The following PLBD2 variants were observed in gnomAD, a reference collection of about 807,000 sequenced individuals.
The protein encoded by PLBD2 is phospholipase B domain containing 2.
Under a neutral mutation model 68.3 loss-of-function variants are expected in PLBD2, and 51 were observed. The ratio of observed to expected loss-of-function variants is 0.75; its 90% confidence interval spans 0.60 to 0.94. PLBD2 has a LOEUF of 0.94. Ranked by LOEUF, PLBD2 falls within the 40% of genes least tolerant of loss-of-function variation. PLBD2 has a pLI of 0.00. For missense variants in PLBD2, 729 were observed against 792.2 expected (o/e 0.92, Z 0.96); for synonymous variants, 314 against 339.3 (o/e 0.93, Z 0.82).
At chr12:113,381,278 C>T (rs1298566308) in intron 6 of PLBD2, among the ~76,000 whole-genome samples, 4 of 151,244 alleles carry the variant, frequency 2.6e-5, no homozygotes, top group African/African-American at 9.7e-5. Flanking sequence ...TCCCTCTCCT[C>T]CTGCCTCCCT....
intron 6 of PLBD2, among the ~76,000 whole-genome samples, chr12:113,382,995 C>T (rs761652082): frequency 5.3e-5 from 8 of 151,378 alleles, no homozygotes; most frequent in Non-Finnish European, 1.0e-4. Flanking sequence ...CCTCAGCCTC[C>T]GAATAGCTGG....
chr12:113,373,525 C>T (rs1957408204), intron 3 of PLBD2, among the ~76,000 whole-genome samples: 1 of 152,102 alleles, frequency 6.6e-6, no homozygotes, highest in Admixed American at 6.6e-5. Context: ...ACCACCAACC[C>T]ATCTACCTGT....
intron 9 of PLBD2, among the ~76,000 whole-genome samples, chr12:113,386,035 G>A (rs1027985162): frequency 6.6e-6 from 1 of 152,232 alleles, no homozygotes; most frequent in African/African-American, 2.4e-5. Context: ...ATAGGCATAA[G>A]TCACCACACC....
At chr12:113,361,101 C>T (rs928188246) in intron 1 of PLBD2, among the ~76,000 whole-genome samples, 2 of 151,950 alleles carry the variant, frequency 1.3e-5, no homozygotes, top group African/African-American at 4.8e-5. Flanking sequence ...GAAAGAAAGC[C>T]ATAGGGGGTG....
At chr12:113,379,792 A>G (rs1178530584) in intron 5 of PLBD2, among the ~76,000 whole-genome samples, 1 of 152,146 alleles carries the variant, frequency 6.6e-6, no homozygotes. Context: ...AGCCTGGGCA[A>G]AAAGAGCGAA....
intron 1 of PLBD2, among the ~76,000 whole-genome samples, chr12:113,366,988 T>G (rs1957347708): frequency 6.6e-6 from 1 of 152,164 alleles, no homozygotes; most frequent in South Asian, 2.1e-4. Context: ...CCCAGCTGAT[T>G]ATTCTATTTT....
In PLBD2 at chr12:113,372,256, T is replaced by C. The variant is rs1366180406; in HGVS notation, c.385-393T>C. Among the ~76,000 whole-genome samples the C allele has an allele frequency of 2.6e-5, 4 of 151,980 alleles. No individual in the cohort carries two copies. In the East Asian group the frequency reaches 5.8e-4, roughly 22 times the overall value. ...TCTGGGTGAAACTGCCACGGCATTC[T>C]CTTGCCCAGTGGAATCAGAAGGGTT... On this transcript the variant is annotated intron_variant, in intron 2 of 11. Transcript: ENST00000280800. The surrounding 1 kb of genome is among the most constrained non-coding windows in gnomAD (Gnocchi z 4.2).
intron 1 of PLBD2, among the ~76,000 whole-genome samples, chr12:113,363,027 G>A (rs1444222324): frequency 2.0e-5 from 3 of 150,932 alleles, no homozygotes; most frequent in Non-Finnish European, 2.9e-5. Flanking sequence ...AACTCCTGAC[G>A]TCAGGTGATC....
intron 4 of PLBD2, 46 bp from the exon 5 acceptor site, chr12:113,374,747 A>C (rs767953567): frequency 3.8e-6 from 6 of 1,598,588 alleles, no homozygotes. Flanking sequence ...ACATAACAGC[A>C]CTCACAGCAG....
intron 6 of PLBD2, 74 bp downstream of exon 6, chr12:113,380,916 T>A: frequency 2.9e-6 from 4 of 1,388,092 alleles, no homozygotes; most frequent in African/African-American, 1.4e-5. Context: ...GCAGGATTGA[T>A]TCCTGCGGCA....
chr12:113,370,303 T>C (rs925031055), intron 2 of PLBD2, among the ~76,000 whole-genome samples: 1 of 152,030 alleles, frequency 6.6e-6, no homozygotes, highest in Non-Finnish European at 1.5e-5. Flanking sequence ...GGGTGGTGGG[T>C]GCCTCTAGGG....
chr12:113,388,170 C>T (rs1389582563), intron 11 of PLBD2, among the ~76,000 whole-genome samples: 2 of 152,010 alleles, frequency 1.3e-5, no homozygotes, highest in African/African-American at 4.8e-5. Context: ...GGTGAAAACC[C>T]GTCTCTACTA....
Position 113,390,911 on chromosome 12 carries a change from A to G in PLBD2, c.*2285A>G, listed in dbSNP as rs1593295406. The G allele has an allele frequency of 6.6e-6, 1 of 151,932 alleles. No individual in the cohort carries two copies. The allele number at this position is 151,932 out of a possible 1,614,324, so 9.4% of individuals were successfully genotyped here. Reference sequence around the variant, plus strand: ...CATCCACCCACCCACCCGTCCATCCACCTACCTATTCATTTATCACCCATC... The same window carrying G: ...CATCCACCCACCCACCCGTCCATCCGCCTACCTATTCATTTATCACCCATC... On this transcript the variant is annotated 3_prime_UTR_variant, in exon 12 of 12. Coordinates refer to ENST00000280800, the MANE Select transcript of PLBD2 (RefSeq NM_173542.4).
At chr12:113,386,800 T>G in intron 9 of PLBD2, 137 bp from the exon 10 acceptor site, 1 of 989,494 alleles carries the variant, frequency 1.0e-6, no homozygotes, top group Non-Finnish European at 1.4e-6. Flanking sequence ...ATTACAGGTG[T>G]GAGCCACTGC....
At chr12:113,365,505 G>A (rs553036893) in intron 1 of PLBD2, among the ~76,000 whole-genome samples, 1 of 152,036 alleles carries the variant, frequency 6.6e-6, no homozygotes, top group South Asian at 2.1e-4. Context: ...GTAGAGACGA[G>A]GTTTCACCAT....
chr12:113,369,178 C>G lies in PLBD2; in HGVS notation c.353C>G (p.Ala118Gly). 1 of 1,607,110 alleles carries G rather than the reference C, an allele frequency of 6.2e-7. No individual in the cohort carries two copies. The highest frequency in any genetic ancestry group is 8.5e-7 in the Non-Finnish European group (1 of 1,176,904). ...QYNDSLQAYAAGVVEAAVSEE... is the reference protein window; with the variant it reads ...QYNDSLQAYAGGVVEAAVSEE... ...AATGACAGCTTGCAGGCCTATGCAG[C>G]CGGTGTGGTGGAGGCTGCTGTGTCG... The change falls in exon 2 of 12, where the codon GCC becomes GGC. Residue 118 changes from alanine to glycine, a missense_variant. Physicochemically the swap from Ala to Gly is moderately conservative, Grantham distance 60. Transcript: ENST00000280800.
intron 2 of PLBD2, among the ~76,000 whole-genome samples, chr12:113,371,730 C>T (rs975167124): frequency 6.6e-6 from 1 of 152,244 alleles, no homozygotes; most frequent in African/African-American, 2.4e-5. Flanking sequence ...AGCATGTGCA[C>T]CTCCCCTGGA....
At position 113,384,189 on chromosome 12, in the gene PLBD2, C is replaced by T. The variant is rs199763130; in HGVS notation, c.1042C>T (p.Arg348Cys). The T allele has an allele frequency of 2.1e-5, 34 of 1,613,870 alleles. 1 individual carries two copies. The highest frequency in any genetic ancestry group is 1.1e-4 in the East Asian group (5 of 44,836). The part of the protein sequence containing the change: ...RPRGCVLEWV[R>C]NIVANRLASD... Reference sequence around the variant, plus strand: ...CAGGGGCTGTGTGCTGGAGTGGGTACGCAACATCGTGGCCAACCGCCTGGC... The same window carrying T: ...CAGGGGCTGTGTGCTGGAGTGGGTATGCAACATCGTGGCCAACCGCCTGGC... The change falls in exon 7 of 12, where the codon CGC (arginine) becomes TGC (cysteine). Residue 348 changes from arginine to cysteine, a missense_variant. Arg to Cys is a radical substitution (Grantham distance 180). Coordinates refer to ENST00000280800, the MANE Select transcript of PLBD2 (RefSeq NM_173542.4). This position sits in a 1 kb window ranked among gnomAD's most constrained non-coding sequence, Gnocchi z 4.2.
intron 1 of PLBD2, among the ~76,000 whole-genome samples, chr12:113,364,513 G>A (rs1957325375): frequency 6.6e-6 from 1 of 151,354 alleles, no homozygotes; most frequent in South Asian, 2.1e-4. Context: ...CTATTGTCTG[G>A]ACTGGAGTAC....
Sources: allele counts gnomAD v4.1 joint callset (sites outside exome capture counted in the v4.1 genomes callset), GRCh38; gene constraint gnomAD v4.1.1; non-coding constraint Gnocchi (gnomAD v3.1); transcripts MANE v1.5; gene names NCBI Gene and HGNC (gene_info 2026-07-23, HGNC 2026-07-21).